Variants in DMD observed in about 807,000 individuals in gnomAD.
DMD encodes the protein mutant dystrophin.
A neutral mutation model predicts 330.1 loss-of-function variants in DMD; 63 were observed. That is an observed-to-expected ratio of 0.19 (90% CI 0.16 to 0.24). The LOEUF is 0.24. DMD is among the 10% of genes least tolerant of loss of function. The pLI is 1.00. For synonymous variants in DMD, 1,223 were observed against 959.8 expected (o/e 1.27, Z -5.07); for missense variants, 3,344 against 2,684.1 (o/e 1.25, Z -5.43).
chrX:32,806,891 C>G (rs1196227012), intron 7 of DMD, among the ~76,000 whole-genome samples: 4 of 109,485 alleles, frequency 3.7e-5, no homozygotes, highest in Non-Finnish European at 7.6e-5. Context: ...TTCTTTGAAA[C>G]CAATGAGAAC....
chrX:32,743,951 A>T (rs1241444016), intron 7 of DMD, among the ~76,000 whole-genome samples: 2 of 111,313 alleles, frequency 1.8e-5, no homozygotes, highest in Non-Finnish European at 3.8e-5. Context: ...TACCTAAAAT[A>T]TTTGGTGCCT....
intron 9 of DMD, among the ~76,000 whole-genome samples, chrX:32,684,018 TACACACACACACACACACACACAC>T (rs369735561): frequency 1.4e-5 from 1 of 70,930 alleles, no homozygotes; most frequent in African/African-American, 8.7e-5. Context: ...CACACATACA[TACACACACACACACACACACACAC>T]ACACACACAC....
chrX:31,238,134 C>G (rs1301417424), intron 63 of DMD, among the ~76,000 whole-genome samples: 1 of 111,986 alleles, frequency 8.9e-6, no homozygotes, highest in African/African-American at 3.2e-5. Flanking sequence ...CTGAGTTCCT[C>G]TGCCCACCTC....
In DMD at chrX:32,861,989, A is replaced by G. The variant is rs1032569045; in HGVS notation, c.94-12169T>C. On this transcript the variant is annotated intron_variant, in intron 2 of 78. Coordinates refer to ENST00000357033, the MANE Select transcript of DMD (RefSeq NM_004006.3). ...ATCTCTGGTGATGTCATTGTAAGGA[A>G]TCATATGTATCACTGGAACACCGTC... 2.7e-5 allele frequency among the ~76,000 whole-genome samples: 3 copies of G among 112,039 alleles called. No individual in the cohort carries two copies. The Admixed American group carries it at 2.8e-4, about 11-fold the overall frequency.
intron 43 of DMD, among the ~76,000 whole-genome samples, chrX:32,235,464 C>T (rs958117125): frequency 3.6e-5 from 4 of 111,211 alleles, no homozygotes; most frequent in Admixed American, 9.6e-5. Context: ...TAACAGGCAA[C>T]GGATTGGTAC....
intron 52 of DMD, among the ~76,000 whole-genome samples, chrX:31,727,369 G>A (rs962691315): frequency 6.3e-5 from 7 of 111,626 alleles, no homozygotes; most frequent in African/African-American, 1.3e-4. Context: ...TCAATTGTAT[G>A]GCTATCTTAC....
chrX:31,861,552 G>A (rs1156940793), intron 48 of DMD, among the ~76,000 whole-genome samples: 2 of 101,672 alleles, frequency 2.0e-5, no homozygotes, highest in African/African-American at 7.3e-5. Flanking sequence ...GTGAATTATG[G>A]TATATCCTTA....
At position 33,052,833 on chromosome X, in the gene DMD, A is replaced by C. The variant is rs1349628239; in HGVS notation, c.32-32633T>G. On this transcript the variant is annotated intron_variant, in intron 1 of 78. Transcript: ENST00000357033. ...AGAGTATAACTGGATTGTTTGTAACACAAAGGATAAATGCTTAAGGTAATA... is the reference window on the plus strand; with the variant it reads ...AGAGTATAACTGGATTGTTTGTAACCCAAAGGATAAATGCTTAAGGTAATA... Among the ~76,000 whole-genome samples the C allele has an allele frequency of 2.8e-5, 3 of 106,788 alleles. No individual in the cohort carries two copies. In the East Asian group the frequency reaches 8.7e-4, roughly 31 times the overall value. The allele number at this position is 106,788 out of a possible 115,157, so 92.7% of individuals were successfully genotyped here.
chrX:32,067,064 AC>A (rs1420435598), intron 44 of DMD, among the ~76,000 whole-genome samples: 1 of 111,768 alleles, frequency 8.9e-6, no homozygotes, highest in African/African-American at 3.2e-5. Context: ...TTCAGTATTA[AC>A]ATGCTCTTCT....
At chrX:32,903,464 T>A (rs2086480562) in intron 2 of DMD, among the ~76,000 whole-genome samples, 1 of 111,018 alleles carries the variant, frequency 9.0e-6, no homozygotes, top group Non-Finnish European at 1.9e-5. Flanking sequence ...TAATAAAAGC[T>A]GTAGGGAAAC....
At chrX:32,627,025 C>A (rs1332866505) in intron 11 of DMD, among the ~76,000 whole-genome samples, 1 of 104,404 alleles carries the variant, frequency 9.6e-6, no homozygotes, top group Admixed American at 9.9e-5. Context: ...GTCCCAGCCC[C>A]ATTCCCCAAC....
At chrX:33,067,611 C>T (rs902535843) in intron 1 of DMD, among the ~76,000 whole-genome samples, 1 of 111,854 alleles carries the variant, frequency 8.9e-6, no homozygotes, top group Non-Finnish European at 1.9e-5. Flanking sequence ...GAGGCCAAGG[C>T]GGGTGGATCA....
At chrX:31,928,072 TCA>T (rs1316771718) in intron 47 of DMD, among the ~76,000 whole-genome samples, 1 of 112,350 alleles carries the variant, frequency 8.9e-6, no homozygotes, top group Non-Finnish European at 1.9e-5. Flanking sequence ...GGAATATTAT[TCA>T]GTCATAAAAA....
chrX:32,871,565 T>C (rs981164829), intron 2 of DMD, among the ~76,000 whole-genome samples: 2 of 111,498 alleles, frequency 1.8e-5, no homozygotes, highest in East Asian at 2.8e-4. Context: ...GAGCCCTGCA[T>C]TGAAAAATCC....
chrX:31,573,269 T>A (rs2075918639), intron 55 of DMD, among the ~76,000 whole-genome samples: 1 of 112,032 alleles, frequency 8.9e-6, no homozygotes. Context: ...AAACCATTTG[T>A]AACTTTAAGT....
At chrX:32,457,089 C>A (rs183861037) in intron 25 of DMD, among the ~76,000 whole-genome samples, 2 of 108,280 alleles carry the variant, frequency 1.8e-5, no homozygotes, top group African/African-American at 6.7e-5. Flanking sequence ...ACAGACTGAG[C>A]CCTGGAACAC....
chrX:32,435,275 C>CAT (rs57376337), intron 29 of DMD, among the ~76,000 whole-genome samples: 2,460 of 79,588 alleles, frequency 0.031, 85 homozygotes, highest in Admixed American at 0.12. Context: ...TATATACTTA[C>CAT]ATATATATAT....
intron 44 of DMD, among the ~76,000 whole-genome samples, chrX:32,172,447 T>C (rs2096890962): frequency 8.9e-6 from 1 of 111,946 alleles, no homozygotes; most frequent in Admixed American, 9.5e-5. Flanking sequence ...AAACATCAGT[T>C]TCCGAATATG....
At chrX:32,483,169 C>CTATATATATAT (rs1355171852) in intron 21 of DMD, among the ~76,000 whole-genome samples, 1 of 34,874 alleles carries the variant, frequency 2.9e-5, no homozygotes, top group Non-Finnish European at 6.3e-5. Context: ...ATATATACAC[C>CTATATATATAT]ATATTTAATT....
Sources: gnomAD v4.1 joint callset for allele counts (sites outside exome capture counted in the v4.1 genomes callset) on GRCh38, gnomAD v4.1.1 for gene constraint, MANE v1.5 for transcripts, NCBI Gene and HGNC (gene_info 2026-07-23, HGNC 2026-07-21) for gene names.